Variants in ZNF569 observed in about 807,000 individuals in gnomAD.
The protein encoded by ZNF569 is zinc finger protein 569.
Under a neutral mutation model 56.3 loss-of-function variants are expected in ZNF569, and 38 were observed. The observed-to-expected ratio is 0.68, with a 90% CI of 0.52 to 0.88. The LOEUF is 0.88. Ranked by LOEUF, ZNF569 falls within the 40% of genes least tolerant of loss-of-function variation. The pLI is 0.00. For missense variants in ZNF569, 666 were observed against 809.2 expected (o/e 0.82, Z 2.15); for synonymous variants, 241 against 262.9 (o/e 0.92, Z 0.81).
At chr19:37,428,501 C>G (rs1443238289) in intron 3 of ZNF569, among the ~76,000 whole-genome samples, 1 of 98,260 alleles carries the variant, frequency 1.0e-5, no homozygotes, top group Non-Finnish European at 1.9e-5. Context: ...GCAGCCTGGG[C>G]AATAGAACAA....
rs2041134195 is a variant in ZNF569, at chr19:37,426,398, CTCAATCTGAAG to C, written c.16-31_16-21del. ...TGTTCCCTGTAACAACACACTCCCA[CTCAATCTGAAG>C]TCATCCATCTTGGGTGATTGTAAAC... On this transcript the variant is annotated intron_variant, in intron 3 of 5. Coordinates refer to ENST00000316950, the MANE Select transcript of ZNF569 (RefSeq NM_152484.3). 6.3e-7 allele frequency: 1 copy of C among 1,582,058 alleles called. No homozygotes were observed. Among genetic ancestry groups the C allele is most frequent in the Non-Finnish European group, 8.6e-7 (1 of 1,166,314 alleles).
intron 3 of ZNF569, chr19:37,431,454 T>C (rs2385180): frequency 0.64 from 97,767 of 152,162 alleles, 33,117 homozygotes; most frequent in African/African-American, 0.87. Flanking sequence ...GAAGGGAACC[T>C]GTTGCCTTGA....
chr19:37,431,834 TCAC>T (rs1444005189), intron 3 of ZNF569, among the ~76,000 whole-genome samples: 2 of 152,008 alleles, frequency 1.3e-5, no homozygotes, highest in African/African-American at 4.8e-5. Flanking sequence ...CTGGCAACAT[TCAC>T]CACAAGCTGA....
At chr19:37,433,027 C>T (rs140967379) in intron 3 of ZNF569, among the ~76,000 whole-genome samples, 164 of 151,768 alleles carry the variant, frequency 1.1e-3, no homozygotes, top group African/African-American at 3.5e-3. Context: ...CCTCAGCCTC[C>T]CAAAGAGCAG....
intron 2 of ZNF569, among the ~76,000 whole-genome samples, chr19:37,456,457 C>T (rs2041672021): frequency 6.6e-6 from 1 of 151,842 alleles, no homozygotes; most frequent in African/African-American, 2.4e-5. Context: ...AACATTTCTA[C>T]TTCTCTCTTA....
chr19:37,425,163 A>AT (rs1471363762), intron 5 of ZNF569, among the ~76,000 whole-genome samples: 1 of 151,496 alleles, frequency 6.6e-6, no homozygotes, highest in Non-Finnish European at 1.5e-5. Flanking sequence ...ATATATATAT[A>AT]TTTTTTGAGA....
At position 37,414,149 on chromosome 19, in the gene ZNF569, G is replaced by A. The variant is rs745588907; in HGVS notation, c.509C>T (p.Pro170Leu). Residue 170 changes from proline (P) to leucine (L), a missense_variant, in exon 6 of 6, where the codon CCT becomes CTT. Transcript: ENST00000316950. Reference sequence around the variant, plus strand: ...TGAGCTATTACCATATGATTTCACAGGTTCATTATATTCACAATGCTCCTT... The same window carrying A: ...TGAGCTATTACCATATGATTTCACAAGTTCATTATATTCACAATGCTCCTT... ...MRKEHCEYNE[P>L]VKSYGNSSSH... is the part of the protein sequence containing the mutation. The A allele has an allele frequency of 4.6e-5, 75 of 1,613,432 alleles. No individual in the cohort carries two copies. Among genetic ancestry groups the A allele is most frequent in the Non-Finnish European group, 6.1e-5 (72 of 1,179,848 alleles).
At chr19:37,466,442 C>T (rs989207022) in intron 1 of ZNF569, among the ~76,000 whole-genome samples, 17 of 151,954 alleles carry the variant, frequency 1.1e-4, no homozygotes, top group Admixed American at 9.8e-4. Context: ...CCAGCCTGAC[C>T]CACATGGAGA....
At chr19:37,452,542 A>G (rs1343163331) in intron 2 of ZNF569, among the ~76,000 whole-genome samples, 2 of 152,160 alleles carry the variant, frequency 1.3e-5, no homozygotes, top group African/African-American at 4.8e-5. Context: ...TTTAAAGGAT[A>G]GTTTTGCCAA....
chr19:37,466,564 T>C (rs1482855381), intron 1 of ZNF569, among the ~76,000 whole-genome samples: 2 of 151,570 alleles, frequency 1.3e-5, no homozygotes, highest in Admixed American at 1.3e-4. Context: ...GAGGCGGAGG[T>C]TGCGGTGAGC....
chr19:37,452,843 G>A (rs1385058508), intron 2 of ZNF569, among the ~76,000 whole-genome samples: 2 of 151,998 alleles, frequency 1.3e-5, no homozygotes, highest in East Asian at 1.9e-4. Flanking sequence ...CTGGATGTTC[G>A]TTTCCTTCCC....
At chr19:37,424,241 A>G (rs2041086520) in intron 5 of ZNF569, among the ~76,000 whole-genome samples, 1 of 152,210 alleles carries the variant, frequency 6.6e-6, no homozygotes, top group African/African-American at 2.4e-5. Flanking sequence ...AAGGGACTAT[A>G]AATGTCAGTA....
At position 37,413,648 on chromosome 19, in the gene ZNF569, C is replaced by T. The variant is rs763290768; in HGVS notation, c.1010G>A (p.Arg337Gln). The T allele has an allele frequency of 4.3e-6, 7 of 1,613,074 alleles. No individual in the cohort carries two copies. Among genetic ancestry groups the T allele is most frequent in the East Asian group, 2.2e-5 (1 of 44,708 alleles). Residue 337 changes from arginine (R) to glutamine (Q), a missense_variant, in exon 6 of 6, where the codon CGA (arginine) becomes CAA (glutamine). Transcript: ENST00000316950. Reference protein sequence around the residue: ...ACNECGKAFPRIASLALHMRS... With the variant: ...ACNECGKAFPQIASLALHMRS... ...CATATGAAGAGCAAGGGATGCAATT[C>T]GAGGGAAGGCTTTACCACATTCATT...
intron 2 of ZNF569, among the ~76,000 whole-genome samples, chr19:37,464,936 G>C (rs902791413): frequency 1.3e-5 from 2 of 152,048 alleles, no homozygotes; most frequent in African/African-American, 2.4e-5. Context: ...ATCTCACTCA[G>C]AGGAAAAGCC....
At chr19:37,432,256 C>T (rs758623903) in intron 3 of ZNF569, among the ~76,000 whole-genome samples, 2 of 152,298 alleles carry the variant, frequency 1.3e-5, no homozygotes, top group South Asian at 2.1e-4. Context: ...TCTGACCCAG[C>T]GCAGTCCCAG....
intron 5 of ZNF569, among the ~76,000 whole-genome samples, chr19:37,418,208 T>A (rs1047358505): frequency 6.6e-6 from 1 of 151,842 alleles, no homozygotes; most frequent in Admixed American, 6.6e-5. Flanking sequence ...AACACTGCAA[T>A]AATCAATAAA....
chr19:37,415,895 A>G (rs1056898592), intron 5 of ZNF569, among the ~76,000 whole-genome samples: 2 of 151,436 alleles, frequency 1.3e-5, no homozygotes, highest in Non-Finnish European at 2.9e-5. Flanking sequence ...AAAAAAGAAA[A>G]AGAAAAAAAA....
intron 2 of ZNF569, among the ~76,000 whole-genome samples, chr19:37,445,996 A>T (rs2041487141): frequency 1.3e-5 from 2 of 152,224 alleles, no homozygotes; most frequent in African/African-American, 4.8e-5. Context: ...TAGCCAAAGC[A>T]AGACTAAGCA....
At chr19:37,425,114 C>T (rs1568723101) in intron 5 of ZNF569, among the ~76,000 whole-genome samples, 1 of 151,802 alleles carries the variant, frequency 6.6e-6, no homozygotes, top group Non-Finnish European at 1.5e-5. Context: ...CACTCTGTCA[C>T]ACACATACAC....
Sources: allele counts gnomAD v4.1 joint callset (sites outside exome capture counted in the v4.1 genomes callset), GRCh38; gene constraint gnomAD v4.1.1; transcripts MANE v1.5; gene names NCBI Gene and HGNC (gene_info 2026-07-23, HGNC 2026-07-21).